The following RELN variants were observed in gnomAD, a reference collection of about 807,000 sequenced individuals.
RELN encodes the protein reelin.
In RELN, 108 loss-of-function variants were observed where a neutral mutation model predicts 427.6. The observed-to-expected ratio is 0.25, with a 90% confidence interval of 0.22 to 0.30. The LOEUF (loss-of-function observed/expected upper bound fraction) is 0.30. RELN is among the 10% of genes least tolerant of loss of function. The pLI is 1.00. For missense variants in RELN, 3,715 were observed against 4,302.8 expected (o/e 0.86, Z 3.82); for synonymous variants, 1,524 against 1,513.4 (o/e 1.01, Z -0.16).
chr7:103,635,292 G>T, intron 19 of RELN, 133 bp downstream of exon 19: 1 of 936,770 alleles, frequency 1.1e-6, no homozygotes, highest in Non-Finnish European at 1.6e-6. Context: ...GTTTTTCACT[G>T]CAAGACACAT....
chr7:103,909,457 C>G (rs1447531833), intron 2 of RELN, among the ~76,000 whole-genome samples: 1 of 150,178 alleles, frequency 6.7e-6, no homozygotes, highest in African/African-American at 2.5e-5. Context: ...ATAAGATTTA[C>G]TAAAGTTTGA....
At chr7:103,845,078 T>C (rs1793640865) in intron 2 of RELN, among the ~76,000 whole-genome samples, 1 of 152,238 alleles carries the variant, frequency 6.6e-6, no homozygotes, top group African/African-American at 2.4e-5. Flanking sequence ...AGCAATGTTT[T>C]GTCTAAATAA....
chr7:103,752,554 G>A (rs1791030563), intron 5 of RELN, among the ~76,000 whole-genome samples: 2 of 129,464 alleles, frequency 1.5e-5, no homozygotes, highest in South Asian at 4.4e-4. Flanking sequence ...GACTCCAGGT[G>A]CACAACCACC....
At chr7:103,681,178 T>C (rs74437704) in intron 11 of RELN, among the ~76,000 whole-genome samples, 8,143 of 152,118 alleles carry the variant, frequency 0.054, 738 homozygotes, top group African/African-American at 0.18. Context: ...AAGAGTCTTA[T>C]TGGGTCTGAA....
At chr7:103,939,983 C>T (rs181469745) in intron 1 of RELN, among the ~76,000 whole-genome samples, 122 of 152,122 alleles carry the variant, frequency 8.0e-4, no homozygotes, top group African/African-American at 2.4e-3. Context: ...CTGTTTAGTT[C>T]GTGAAAACTC....
At chr7:103,633,154 G>A (rs983365761) in intron 19 of RELN, among the ~76,000 whole-genome samples, 9 of 151,976 alleles carry the variant, frequency 5.9e-5, no homozygotes, top group Admixed American at 6.6e-5. Flanking sequence ...TAAAATAGTT[G>A]AGGAATAATA....
intron 28 of RELN, among the ~76,000 whole-genome samples, chr7:103,577,663 T>C (rs940631587): frequency 1.2e-4 from 19 of 152,168 alleles, no homozygotes; most frequent in Admixed American, 6.5e-4. Context: ...ATTTGTCCTC[T>C]TGAAGGAAGT....
At position 103,551,420 on chromosome 7, in the gene RELN, T is replaced by C. The variant is rs1192825623; in HGVS notation, c.6073-124A>G. ...ACTGTCTTGCTGAAATATTTAATAC[T>C]ATAAAATTATGTTTTGCCTTACTGA... On this transcript the variant is annotated intron_variant, in intron 40 of 64. Coordinates refer to ENST00000428762, the MANE Select transcript of RELN (RefSeq NM_005045.4). 6 of 734,692 alleles carry C rather than the reference T, an allele frequency of 8.2e-6. No individual in the cohort carries two copies. In the East Asian group the frequency reaches 1.1e-4, roughly 13 times the overall value. 45.5% of individuals were successfully genotyped at this position (734,692 alleles called of 1,614,324 possible). A position where few individuals can be genotyped will look rare whatever the true frequency, so the allele number is the denominator to read the frequency against.
At chr7:103,807,430 C>T (rs1310400799) in intron 3 of RELN, among the ~76,000 whole-genome samples, 1 of 152,092 alleles carries the variant, frequency 6.6e-6, no homozygotes, top group Non-Finnish European at 1.5e-5. Flanking sequence ...TGCTGAAAGT[C>T]CATTCGTGAA....
At chr7:103,557,262 GTTTA>G in intron 37 of RELN, 103 bp from the exon 38 acceptor site, 1 of 990,516 alleles carries the variant, frequency 1.0e-6, no homozygotes, top group Non-Finnish European at 1.6e-6. Flanking sequence ...GAGAACTTAT[GTTTA>G]CATGGAAGCT....
At chr7:103,515,548 G>A (rs1178639498) in intron 49 of RELN, 107 bp from the exon 50 acceptor site, 2 of 1,400,166 alleles carry the variant, frequency 1.4e-6, no homozygotes, top group East Asian at 4.6e-5. Context: ...CACATGGTGG[G>A]TGAGGGAAGG....
At chr7:103,758,259 T>A (rs1165882336) in intron 4 of RELN, among the ~76,000 whole-genome samples, 1 of 152,190 alleles carries the variant, frequency 6.6e-6, no homozygotes, top group Non-Finnish European at 1.5e-5. Context: ...AATTGGAAAT[T>A]GACCTTAGGT....
chr7:103,526,088 T>C (rs1385423966), intron 46 of RELN, among the ~76,000 whole-genome samples: 2 of 152,120 alleles, frequency 1.3e-5, no homozygotes, highest in Admixed American at 6.5e-5. Context: ...CTGATGGCTG[T>C]TGAAGGGGGC....
At chr7:103,687,203 A>C (rs1833782357) in intron 10 of RELN, among the ~76,000 whole-genome samples, 1 of 152,192 alleles carries the variant, frequency 6.6e-6, no homozygotes, top group Non-Finnish European at 1.5e-5. Context: ...GAGTAATGAG[A>C]GGCAGAATAA....
chr7:103,949,230 T>C (rs1796284745), intron 1 of RELN, among the ~76,000 whole-genome samples: 1 of 151,990 alleles, frequency 6.6e-6, no homozygotes, highest in Admixed American at 6.6e-5. Flanking sequence ...AAATCTCTAC[T>C]GAAAGAAAAG....
At chr7:103,498,946 A>C (rs2117027982) in intron 53 of RELN, among the ~76,000 whole-genome samples, 1 of 152,298 alleles carries the variant, frequency 6.6e-6, no homozygotes, top group East Asian at 1.9e-4. Flanking sequence ...AATAAGATAA[A>C]ATATAAACAT....
At chr7:103,986,930 CTGTGTG>C (rs68023932) in intron 1 of RELN, among the ~76,000 whole-genome samples, 3,106 of 148,998 alleles carry the variant, frequency 0.021, 85 homozygotes, top group African/African-American at 0.061. Flanking sequence ...CTAACAGAAG[CTGTGTG>C]TGTGTGTGTG....
chr7:103,780,975 T>A (rs1791874424), intron 3 of RELN, among the ~76,000 whole-genome samples: 2 of 152,196 alleles, frequency 1.3e-5, no homozygotes, highest in South Asian at 4.1e-4. Flanking sequence ...GGATACCCAA[T>A]ACACACATGT....
intron 6 of RELN, among the ~76,000 whole-genome samples, chr7:103,735,362 T>A (rs1378124255): frequency 1.3e-5 from 2 of 152,136 alleles, no homozygotes; most frequent in African/African-American, 4.8e-5. Flanking sequence ...CTGGGTTTTT[T>A]AATCCTGATT....
Sources: allele counts gnomAD v4.1 joint callset (sites outside exome capture counted in the v4.1 genomes callset), GRCh38; gene constraint gnomAD v4.1.1; transcripts MANE v1.5; gene names NCBI Gene and HGNC (gene_info 2026-07-23, HGNC 2026-07-21).